Variants in GIMAP8 observed in about 807,000 individuals in gnomAD.
GIMAP8 encodes the protein GTPase, IMAP family member 8.
In GIMAP8, 29 loss-of-function variants were observed where a neutral mutation model predicts 35.6. That is an observed-to-expected ratio of 0.81 (90% CI 0.61 to 1.11). GIMAP8 has a LOEUF of 1.11. Among genes scored for constraint, GIMAP8 ranks in the 50% most tolerant of loss-of-function variants. The probability of loss-of-function intolerance (pLI) is 0.00; values close to 1 mark genes in which losing one functional copy is unlikely to be tolerated. For missense variants in GIMAP8, 811 were observed against 805.0 expected, an observed-to-expected ratio of 1.01 and a Z score of -0.09; for synonymous variants, 335 against 308.7, an observed-to-expected ratio of 1.09 and a Z score of -0.89.
At chr7:150,470,485 G>A (rs77452176) in intron 2 of GIMAP8, among the ~76,000 whole-genome samples, 8 of 152,108 alleles carry the variant, frequency 5.3e-5, no homozygotes, top group Non-Finnish European at 1.0e-4. Context: ...CCAGACTTGG[G>A]GGGGTGGGGA....
chr7:150,467,381 A>T (rs1180291009), intron 2 of GIMAP8, 47 bp downstream of exon 2: 2 of 1,491,354 alleles, frequency 1.3e-6, no homozygotes, highest in Admixed American at 3.7e-5. Flanking sequence ...TTGCTGAACT[A>T]GTGGGATGAA....
chr7:150,475,851 A>G (rs1435237069), intron 4 of GIMAP8, among the ~76,000 whole-genome samples: 1 of 152,242 alleles, frequency 6.6e-6, no homozygotes, highest in Non-Finnish European at 1.5e-5. Context: ...AGAGTACACC[A>G]GCAATTTGAA....
chr7:150,462,262 G>C (rs1355857181), intron 1 of GIMAP8, among the ~76,000 whole-genome samples: 1 of 152,204 alleles, frequency 6.6e-6, no homozygotes, highest in South Asian at 2.1e-4. Context: ...CAGGCCATCT[G>C]GATGTATATG....
At chr7:150,470,953 C>A in intron 3 of GIMAP8, 79 bp downstream of exon 3, 1 of 1,105,040 alleles carries the variant, frequency 9.0e-7, no homozygotes, top group Non-Finnish European at 1.4e-6. Context: ...GAAGCGGAAA[C>A]ATTATCCATA....
intron 1 of GIMAP8, among the ~76,000 whole-genome samples, chr7:150,455,138 C>CAAA (rs57359256): frequency 8.1e-6 from 1 of 123,998 alleles, no homozygotes; most frequent in Non-Finnish European, 1.7e-5. Context: ...AATTCCATCT[C>CAAA]AAAAAAAAAA....
Position 150,474,098 on chromosome 7 carries a change from G to C in GIMAP8, c.769G>C (p.Gly257Arg). The change falls in exon 4 of 5, where the codon GGT (glycine) becomes CGT (arginine). Residue 257 changes from glycine (G) to arginine (R), a missense_variant. Gly to Arg is a moderately radical substitution (Grantham distance 125). Transcript: ENST00000307271. ...ELTVLLVGKR[G>R]AGKSAAGNSI... ...GACAGTCCTCCTTGTGGGGAAACGCGGTGCTGGAAAAAGTGCAGCAGGAAA... is the reference window on the plus strand; with the variant it reads ...GACAGTCCTCCTTGTGGGGAAACGCCGTGCTGGAAAAAGTGCAGCAGGAAA... 1.9e-6 allele frequency: 3 copies of C among 1,614,200 alleles called. No individual in the cohort carries two copies. The highest frequency in any genetic ancestry group is 1.7e-5 in the Admixed American group (1 of 60,024).
chr7:150,457,290 G>A (rs1801749671), intron 1 of GIMAP8, among the ~76,000 whole-genome samples: 3 of 152,242 alleles, frequency 2.0e-5, no homozygotes, highest in Admixed American at 2.0e-4. Context: ...GGGTGGGCCA[G>A]GTGTTCCTTG....
chr7:150,467,378 A>G, intron 2 of GIMAP8, 44 bp downstream of exon 2: 1 of 1,511,536 alleles, frequency 6.6e-7, no homozygotes, highest in Non-Finnish European at 9.1e-7. Context: ...ATGTTGCTGA[A>G]CTAGTGGGAT....
rs114688508 is a variant in GIMAP8, at chr7:150,472,788, G to A, written c.683-1224G>A. Among the ~76,000 whole-genome samples the A allele has an allele frequency of 2.9e-3, 448 of 152,306 alleles. 3 individuals are homozygous for A. Among genetic ancestry groups the A allele is most frequent in the African/African-American group, 0.01 (431 of 41,564 alleles). On this transcript the variant is annotated intron_variant, in intron 3 of 4. Coordinates refer to ENST00000307271, the MANE Select transcript of GIMAP8 (RefSeq NM_175571.4). This position sits in a 1 kb window ranked among gnomAD's most constrained non-coding sequence, Gnocchi z 4.1. ...TGAGTAGCCAGCAGGAGATAGGGCA[G>A]GAGGCAAAGAAAGTGCTGTCATATG...
At chr7:150,471,412 G>C (rs1172553701) in intron 3 of GIMAP8, among the ~76,000 whole-genome samples, 1 of 152,212 alleles carries the variant, frequency 6.6e-6, no homozygotes, top group African/African-American at 2.4e-5. Context: ...TTTACTGATG[G>C]ATTTGCAGGT....
chr7:150,452,657 G>C (rs1276677280), intron 1 of GIMAP8, among the ~76,000 whole-genome samples: 4 of 108,366 alleles, frequency 3.7e-5, no homozygotes, highest in African/African-American at 1.7e-4. Context: ...GTGTATATGT[G>C]TGTGTGTGTG....
At chr7:150,456,060 TCTGTCTCTATCAC>T (rs1437215965) in intron 1 of GIMAP8, among the ~76,000 whole-genome samples, 1 of 152,058 alleles carries the variant, frequency 6.6e-6, no homozygotes, top group Admixed American at 6.6e-5. Context: ...TCTACTTGAG[TCTGTCTCTATCAC>T]CAAGGAAATA....
intron 1 of GIMAP8, among the ~76,000 whole-genome samples, chr7:150,458,542 C>G (rs1801777947): frequency 2.0e-5 from 3 of 152,158 alleles, no homozygotes; most frequent in Admixed American, 6.5e-5. Context: ...CTCCATGACC[C>G]AGACAAATTG....
At chr7:150,476,991 G>C (rs6464067) in intron 4 of GIMAP8, 101 bp from the exon 5 acceptor site, 310,146 of 870,528 alleles carry the variant, frequency 0.36, 56,704 homozygotes, top group East Asian at 0.48. Flanking sequence ...GTTTGAACAT[G>C]CTGTTTACTT....
In GIMAP8 at chr7:150,472,736, T is replaced by C. The variant is rs1246098242; in HGVS notation, c.683-1276T>C. Among the ~76,000 whole-genome samples, 1 of 152,162 alleles carries C rather than the reference T, an allele frequency of 6.6e-6. No homozygotes were observed. Among genetic ancestry groups the C allele is most frequent in the Non-Finnish European group, 1.5e-5 (1 of 68,038 alleles). On this transcript the variant is annotated intron_variant, in intron 3 of 4. Transcript: ENST00000307271. The surrounding 1 kb of genome is among the most constrained non-coding windows in gnomAD (Gnocchi z 4.1). ...GTGAGCAATTTAGGTGAAGTTCTCT[T>C]GAAGAAGTTATATTTGCATAGGAAC...
intron 4 of GIMAP8, among the ~76,000 whole-genome samples, chr7:150,475,261 T>C (rs140021553): frequency 3.7e-4 from 57 of 152,302 alleles, no homozygotes; most frequent in African/African-American, 1.1e-3. Flanking sequence ...TATGTACCTG[T>C]ACCTAAAATA....
Position 150,477,950 on chromosome 7 carries a change from C to A in GIMAP8, c.*170C>A. ...CAGCTATTTGTAGATAAATAAATTG[C>A]AGGTGGGGGCGAATAGTAGGGTATT... On this transcript the variant is annotated 3_prime_UTR_variant, in exon 5 of 5. Transcript: ENST00000307271. 1 of 593,134 alleles carries A rather than the reference C, an allele frequency of 1.7e-6. No homozygotes were observed. Among genetic ancestry groups the A allele is most frequent in the Non-Finnish European group, 3.0e-6 (1 of 335,142 alleles). 36.7% of individuals were successfully genotyped at this position (593,134 alleles called of 1,614,324 possible).
At chr7:150,475,161 G>T (rs1443049153) in intron 4 of GIMAP8, among the ~76,000 whole-genome samples, 2 of 152,190 alleles carry the variant, frequency 1.3e-5, no homozygotes, top group Non-Finnish European at 2.9e-5. Context: ...GTGTTAGTCT[G>T]CTTAGGATGG....
chr7:150,458,848 A>G (rs1254749645), intron 1 of GIMAP8, among the ~76,000 whole-genome samples: 4 of 152,214 alleles, frequency 2.6e-5, no homozygotes, highest in Non-Finnish European at 1.5e-5. Context: ...TGTTAGAGGG[A>G]TAAGAGAGGG....
Sources: gnomAD v4.1 joint callset for allele counts (sites outside exome capture counted in the v4.1 genomes callset) on GRCh38, gnomAD v4.1.1 for gene constraint, Gnocchi (gnomAD v3.1) non-coding constraint, MANE v1.5 for transcripts, NCBI Gene and HGNC (gene_info 2026-07-23, HGNC 2026-07-21) for gene names.